The following TENM1 variants were observed in gnomAD, a reference collection of about 807,000 sequenced individuals.
The protein encoded by TENM1 is teneurin-1.
A neutral mutation model predicts 174.8 loss-of-function variants in TENM1; 35 were observed. That is an observed-to-expected ratio of 0.20 (90% CI 0.15 to 0.27). The LOEUF (loss-of-function observed/expected upper bound fraction) is 0.27. Ranked by LOEUF, TENM1 falls within the 10% of genes least tolerant of loss-of-function variation. The pLI is 1.00. For missense variants in TENM1, 1,633 were observed against 2,130.1 expected, an observed-to-expected ratio of 0.77 and a Z score of 4.59; for synonymous variants, 781 against 798.7, an observed-to-expected ratio of 0.98 and a Z score of 0.37.
chrX:124,587,860 C>T (rs1405179485), intron 11 of TENM1, among the ~76,000 whole-genome samples: 1 of 111,393 alleles, frequency 9.0e-6, no homozygotes, highest in African/African-American at 3.3e-5. Context: ...ACAAACAGCC[C>T]CATCAAAAAG....
the TENM1 span, among the ~76,000 whole-genome samples, chrX:125,080,548 T>C: frequency 3.5e-3 from 394 of 111,701 alleles, 1 homozygote; most frequent in African/African-American, 0.011. Flanking sequence ...ATGCGGAAAC[T>C]AGGATTCAGA....
intron 1 of TENM1, among the ~76,000 whole-genome samples, chrX:124,955,828 G>C (rs78606492): frequency 5.6e-4 from 48 of 85,257 alleles, no homozygotes; most frequent in Admixed American, 4.8e-4. Flanking sequence ...CACACACACA[G>C]ACACCATTTC....
the TENM1 span, among the ~76,000 whole-genome samples, chrX:125,199,902 T>C: frequency 8.9e-6 from 1 of 111,814 alleles, no homozygotes; most frequent in Non-Finnish European, 1.9e-5. Context: ...CTATTTTTCA[T>C]GGGTTCCAAA....
chrX:124,434,821 T>C (rs1456497680), intron 23 of TENM1, among the ~76,000 whole-genome samples: 1 of 112,230 alleles, frequency 8.9e-6, no homozygotes, highest in Non-Finnish European at 1.9e-5. Context: ...TGATGCTACT[T>C]GCCGATTTAC....
chrX:124,784,646 C>T (rs767823963), intron 3 of TENM1, among the ~76,000 whole-genome samples: 1 of 111,597 alleles, frequency 9.0e-6, no homozygotes, highest in East Asian at 2.8e-4. Context: ...ATAAGATGAT[C>T]TCTCCTGGGA....
intron 3 of TENM1, among the ~76,000 whole-genome samples, chrX:124,787,406 A>G (rs2055064118): frequency 9.0e-6 from 1 of 111,026 alleles, no homozygotes; most frequent in Admixed American, 9.5e-5. Flanking sequence ...CTATACACAG[A>G]ATTTGAAATA....
intron 4 of TENM1, among the ~76,000 whole-genome samples, chrX:124,724,273 A>G (rs184956463): frequency 1.7e-4 from 19 of 112,344 alleles, no homozygotes; most frequent in Non-Finnish European, 3.0e-4. Flanking sequence ...TTGTTGAACG[A>G]TATGAGCCAA....
At chrX:124,602,304 A>C (rs1161649465) in intron 11 of TENM1, among the ~76,000 whole-genome samples, 1 of 111,021 alleles carries the variant, frequency 9.0e-6, no homozygotes, top group Non-Finnish European at 1.9e-5. Context: ...GGAGTTCAGA[A>C]GAAGATTTAA....
intron 1 of TENM1, among the ~76,000 whole-genome samples, chrX:124,957,443 G>C (rs1433376210): frequency 1.8e-5 from 2 of 110,441 alleles, no homozygotes; most frequent in African/African-American, 6.6e-5. Context: ...AATTAGCAAG[G>C]TGTGGTGGCA....
intron 22 of TENM1, among the ~76,000 whole-genome samples, chrX:124,463,871 GTGTGTGGAGA>G (rs1307299406): frequency 9.4e-6 from 1 of 106,397 alleles, no homozygotes; most frequent in Non-Finnish European, 1.9e-5. Context: ...GTGTGTGTGT[GTGTGTGGAGA>G]GAGAGAGAGA....
At chrX:124,453,732 G>C (rs1813126756) in intron 22 of TENM1, among the ~76,000 whole-genome samples, 2 of 111,295 alleles carry the variant, frequency 1.8e-5, no homozygotes, top group Admixed American at 1.9e-4. Context: ...TAATAATTTT[G>C]TCCAGTTTTA....
At chrX:124,380,101 C>A (rs1372114232) in exon 32 of TENM1, 1 of 116,500 alleles carries the variant, frequency 8.6e-6, no homozygotes, top group Non-Finnish European at 1.8e-5. Flanking sequence ...AAAGGGCTGG[C>A]AGTCTTTCGA....
chrX:124,850,165 CT>C (rs1381957183), intron 3 of TENM1, among the ~76,000 whole-genome samples: 2 of 111,820 alleles, frequency 1.8e-5, no homozygotes, highest in Admixed American at 9.5e-5. Context: ...TTAAATCCCA[CT>C]TCCCTTTCAG....
the TENM1 span, among the ~76,000 whole-genome samples, chrX:125,186,739 G>A: frequency 9.0e-6 from 1 of 111,061 alleles, no homozygotes; most frequent in African/African-American, 3.3e-5. Flanking sequence ...GCAGAACTGT[G>A]ACCCAAATAA....
At chrX:124,417,374 C>T (rs1268803510) in intron 25 of TENM1, among the ~76,000 whole-genome samples, 1 of 110,916 alleles carries the variant, frequency 9.0e-6, no homozygotes, top group Non-Finnish European at 1.9e-5. Flanking sequence ...CCACACCCAG[C>T]TAATTGTTTG....
At chrX:125,138,263 TGCAGTA>T in the TENM1 span, among the ~76,000 whole-genome samples, 15 of 108,609 alleles carry the variant, frequency 1.4e-4, no homozygotes, top group Admixed American at 1.0e-4. Flanking sequence ...TTTTTTTTTC[TGCAGTA>T]GCAGAGATGG....
chrX:124,885,717 A>C (rs927663217), intron 3 of TENM1, among the ~76,000 whole-genome samples: 1 of 111,121 alleles, frequency 9.0e-6, no homozygotes, highest in African/African-American at 3.3e-5. Flanking sequence ...TTTCTTTAAT[A>C]ATCTATTTAT....
intron 5 of TENM1, among the ~76,000 whole-genome samples, chrX:124,703,408 T>C (rs1025453102): frequency 5.4e-5 from 6 of 112,049 alleles, no homozygotes; most frequent in African/African-American, 1.9e-4. Context: ...TCAGAATATG[T>C]AATAAAATTT....
At chrX:124,974,888 CTA>C in the TENM1 span, among the ~76,000 whole-genome samples, 3 of 72,733 alleles carry the variant, frequency 4.1e-5, no homozygotes, top group Admixed American at 1.7e-4. Flanking sequence ...GGGACTGACA[CTA>C]TATATATATA....
Sources: allele counts gnomAD v4.1 joint callset (sites outside exome capture counted in the v4.1 genomes callset), GRCh38; gene constraint gnomAD v4.1.1; transcripts MANE v1.5; gene names NCBI Gene and HGNC (gene_info 2026-07-23, HGNC 2026-07-21).